The following ZNF804A variants were observed in gnomAD, a reference collection of about 807,000 sequenced individuals.
ZNF804A encodes the protein zinc finger protein 804A.
ZNF804A carries 2 observed loss-of-function variants against 16.5 expected under a neutral mutation model. The ratio of observed to expected loss-of-function variants is 0.12; its 90% confidence interval spans 0.05 to 0.38. The LOEUF is 0.38. Ranked by LOEUF, ZNF804A falls within the 10% of genes least tolerant of loss-of-function variation. The pLI is 0.99. For missense variants in ZNF804A, 1,473 were observed against 1,390.7 expected (o/e 1.06, Z -0.94); for synonymous variants, 534 against 489.6 (o/e 1.09, Z -1.20).
At chr2:184,798,006 A>ATGTGTGTGTGTGTGTGTG (rs58199746) in intron 1 of ZNF804A, among the ~76,000 whole-genome samples, 1 of 133,256 alleles carries the variant, frequency 7.5e-6, no homozygotes, top group Non-Finnish European at 1.6e-5. Context: ...TGGCTGATAT[A>ATGTGTGTGTGTGTGTGTG]TGTGTGTGTG....
chr2:184,712,920 T>G (rs1365719013), intron 1 of ZNF804A, among the ~76,000 whole-genome samples: 1 of 151,808 alleles, frequency 6.6e-6, no homozygotes, highest in Non-Finnish European at 1.5e-5. Context: ...ATTTTTTTCT[T>G]ATCTTATACA....
At chr2:184,825,536 T>C (rs564345871) in intron 1 of ZNF804A, among the ~76,000 whole-genome samples, 9 of 152,026 alleles carry the variant, frequency 5.9e-5, no homozygotes, top group Non-Finnish European at 1.3e-4. Context: ...AAATGACAGA[T>C]TGATACCAGA....
At chr2:184,898,403 T>TACA (rs10640256) in intron 2 of ZNF804A, among the ~76,000 whole-genome samples, 49,295 of 151,754 alleles carry the variant, frequency 0.32, 10,685 homozygotes, top group African/African-American at 0.62. Flanking sequence ...TGGTAAAAAT[T>TACA]ACATCACCTG....
At chr2:184,649,378 A>G (rs1289485838) in intron 1 of ZNF804A, among the ~76,000 whole-genome samples, 1 of 150,596 alleles carries the variant, frequency 6.6e-6, no homozygotes, top group African/African-American at 2.4e-5. Flanking sequence ...GGAACTAGAA[A>G]AACAAGGAGA....
chr2:184,739,939 T>G (rs1428364029), intron 1 of ZNF804A, among the ~76,000 whole-genome samples: 1 of 152,218 alleles, frequency 6.6e-6, no homozygotes, highest in African/African-American at 2.4e-5. Context: ...ACATTCATTT[T>G]CTTCAAAAAA....
intron 1 of ZNF804A, among the ~76,000 whole-genome samples, chr2:184,848,190 C>A (rs1313859196): frequency 6.6e-6 from 1 of 152,026 alleles, no homozygotes; most frequent in Non-Finnish European, 1.5e-5. Context: ...TATTCAGGAG[C>A]ACCCAGCCAC....
intron 1 of ZNF804A, among the ~76,000 whole-genome samples, chr2:184,720,830 A>G (rs1693301127): frequency 6.6e-6 from 1 of 152,166 alleles, no homozygotes; most frequent in African/African-American, 2.4e-5. Context: ...ACATCACATT[A>G]CCTGACTTTA....
At chr2:184,749,214 G>A (rs1693840253) in intron 1 of ZNF804A, among the ~76,000 whole-genome samples, 1 of 151,286 alleles carries the variant, frequency 6.6e-6, no homozygotes, top group Admixed American at 6.6e-5. Context: ...ATGAAAATGG[G>A]ATGTTTTTCC....
intron 1 of ZNF804A, among the ~76,000 whole-genome samples, chr2:184,738,988 A>T (rs1167805411): frequency 2.0e-5 from 3 of 152,212 alleles, no homozygotes; most frequent in African/African-American, 7.2e-5. Flanking sequence ...ATAATTAGCA[A>T]ATAAACACAA....
chr2:184,622,956 A>G (rs1311496182), intron 1 of ZNF804A, among the ~76,000 whole-genome samples: 1 of 152,062 alleles, frequency 6.6e-6, no homozygotes, highest in Admixed American at 6.6e-5. Context: ...TATCCCTTGT[A>G]TCAACATCAG....
chr2:184,775,110 T>A (rs1694267615), intron 1 of ZNF804A, among the ~76,000 whole-genome samples: 1 of 151,798 alleles, frequency 6.6e-6, no homozygotes, highest in African/African-American at 2.4e-5. Flanking sequence ...TTGTAAGTAA[T>A]AATGTAAATG....
intron 1 of ZNF804A, among the ~76,000 whole-genome samples, chr2:184,624,653 A>G (rs1691469575): frequency 6.6e-6 from 1 of 152,156 alleles, no homozygotes. Flanking sequence ...TAAATTCTAC[A>G]CTACTATAGT....
At position 184,615,740 on chromosome 2, in the gene ZNF804A, T is replaced by C. The variant is rs921795342; in HGVS notation, c.111+16670T>C. Among the ~76,000 whole-genome samples, 6 of 152,126 alleles carry C rather than the reference T, an allele frequency of 3.9e-5. No homozygotes were observed. In the South Asian group the frequency reaches 1.0e-3, roughly 26 times the overall value. The stretch of plus-strand genomic sequence containing the variant: ...ATGTAGTTACTTTCTCCCCACTTTC[T>C]GGCAAGTTAAGTTTAGCCACCTGAT... On this transcript the variant is annotated intron_variant, in intron 1 of 3. Coordinates refer to ENST00000302277, the MANE Select transcript of ZNF804A (RefSeq NM_194250.2).
chr2:184,737,918 G>A (rs1196175646), intron 1 of ZNF804A, among the ~76,000 whole-genome samples: 1 of 152,150 alleles, frequency 6.6e-6, no homozygotes, highest in Non-Finnish European at 1.5e-5. Context: ...GAGGTCGGGA[G>A]TTTGAGACCA....
intron 1 of ZNF804A, among the ~76,000 whole-genome samples, chr2:184,725,781 T>C (rs1395124207): frequency 6.6e-6 from 1 of 151,418 alleles, no homozygotes; most frequent in African/African-American, 2.4e-5. Context: ...CTTTATCCCC[T>C]TTATAGTCAC....
intron 1 of ZNF804A, among the ~76,000 whole-genome samples, chr2:184,716,847 A>T (rs1385990804): frequency 6.6e-6 from 1 of 152,198 alleles, no homozygotes; most frequent in Non-Finnish European, 1.5e-5. Flanking sequence ...GATTATAACT[A>T]GTGTGAATGG....
intron 1 of ZNF804A, among the ~76,000 whole-genome samples, chr2:184,772,006 C>T (rs1694223007): frequency 6.6e-6 from 1 of 151,938 alleles, no homozygotes; most frequent in South Asian, 2.1e-4. Context: ...GTGTTCACAC[C>T]ATTGTGTGTG....
At chr2:184,633,635 A>G (rs970190273) in intron 1 of ZNF804A, among the ~76,000 whole-genome samples, 1 of 152,216 alleles carries the variant, frequency 6.6e-6, no homozygotes, top group Non-Finnish European at 1.5e-5. Context: ...ACATCCTGAT[A>G]AAATATTTGA....
chr2:184,935,713 T>C, intron 3 of ZNF804A, 70 bp from the exon 4 acceptor site: 3 of 1,464,736 alleles, frequency 2.0e-6, no homozygotes, highest in Non-Finnish European at 2.7e-6. Context: ...TTTTTAAAGA[T>C]GAAAATATTT....
Sources: allele counts gnomAD v4.1 joint callset (sites outside exome capture counted in the v4.1 genomes callset), GRCh38; gene constraint gnomAD v4.1.1; transcripts MANE v1.5; gene names NCBI Gene and HGNC (gene_info 2026-07-23, HGNC 2026-07-21).